ADAMTS19: variants seen among roughly 807,000 people sequenced by gnomAD.
The protein encoded by ADAMTS19 is A disintegrin and metalloproteinase with thrombospondin motifs 19.
In ADAMTS19, 93 loss-of-function variants were observed where a neutral mutation model predicts 153.3. That is an observed-to-expected ratio of 0.61 (90% CI 0.51 to 0.72). The LOEUF is 0.72. Among genes scored for constraint, ADAMTS19 ranks in the 30% least tolerant of loss-of-function variants. The probability of loss-of-function intolerance (pLI) is 0.00; values close to 1 mark genes in which losing one functional copy is unlikely to be tolerated. For synonymous variants in ADAMTS19, 600 were observed against 556.6 expected (o/e 1.08, Z -1.10); for missense variants, 1,482 against 1,552.1 (o/e 0.95, Z 0.76).
intron 2 of ADAMTS19, among the ~76,000 whole-genome samples, chr5:129,486,374 GAAT>G (rs1315249604): frequency 2.0e-5 from 3 of 151,960 alleles, no homozygotes; most frequent in Admixed American, 2.0e-4. Context: ...TAGATAAAAA[GAAT>G]AATACATTAT....
At chr5:129,690,233 T>C (rs1755271889) in intron 18 of ADAMTS19, among the ~76,000 whole-genome samples, 1 of 152,234 alleles carries the variant, frequency 6.6e-6, no homozygotes, top group South Asian at 2.1e-4. Flanking sequence ...TAAAGGAAGA[T>C]ATAGAAAGCC....
chr5:129,687,366 C>A (rs1331365228), intron 18 of ADAMTS19, among the ~76,000 whole-genome samples: 2 of 152,130 alleles, frequency 1.3e-5, no homozygotes, highest in Non-Finnish European at 2.9e-5. Context: ...TTTTTATTCT[C>A]ATTTTTTCCT....
At chr5:129,670,116 A>G (rs1754238579) in intron 16 of ADAMTS19, among the ~76,000 whole-genome samples, 1 of 152,052 alleles carries the variant, frequency 6.6e-6, no homozygotes, top group African/African-American at 2.4e-5. Context: ...ACTCAAAATT[A>G]TTACTTTTTC....
intron 10 of ADAMTS19, among the ~76,000 whole-genome samples, chr5:129,630,015 G>C (rs1752217900): frequency 6.6e-6 from 1 of 152,016 alleles, no homozygotes; most frequent in Non-Finnish European, 1.5e-5. Flanking sequence ...ACTATGAATT[G>C]CATATGTATT....
intron 6 of ADAMTS19, among the ~76,000 whole-genome samples, chr5:129,531,982 G>A (rs1752223841): frequency 1.3e-5 from 2 of 152,104 alleles, no homozygotes; most frequent in Admixed American, 6.5e-5. Flanking sequence ...AAAAAAATGA[G>A]TATCAGTCCT....
chr5:129,461,103 G>C lies in ADAMTS19; in HGVS notation c.93G>C (p.Glu31Asp). Reference protein sequence around the residue: ...LGFLSNGIVSELQFAPDREEW... With the variant: ...LGFLSNGIVSDLQFAPDREEW... ...CACTTCTGTCTGCCCCGCCCGCAGA[G>C]CTGCAGTTCGCCCCCGACCGCGAGG... is the stretch of plus-strand genomic sequence containing the variant. Residue 31 changes from glutamate to aspartate, a missense_variant and splice_region_variant, in exon 2 of 23, where the codon GAG becomes GAC. Physicochemically the swap from Glu to Asp is conservative, Grantham distance 45 (BLOSUM62 2). Around this residue, in one of 2 missense-constraint regions of ADAMTS19, gnomAD observed 866 missense variants for 827.7 expected, o/e 1.05. Transcript: ENST00000274487. The surrounding 1 kb of genome is among the most constrained non-coding windows in gnomAD (Gnocchi z 4.6). 1.4e-6 allele frequency: 2 copies of C among 1,410,042 alleles called. No individual in the cohort carries two copies. Among genetic ancestry groups the C allele is most frequent in the Middle Eastern group, 2.6e-4 (1 of 3,802 alleles). 87.3% of individuals were successfully genotyped at this position (1,410,042 alleles called of 1,614,324 possible). A position where few individuals can be genotyped will look rare whatever the true frequency, so the allele number is the denominator to read the frequency against.
intron 2 of ADAMTS19, among the ~76,000 whole-genome samples, chr5:129,503,036 A>T (rs1751153927): frequency 6.6e-6 from 1 of 152,198 alleles, no homozygotes; most frequent in African/African-American, 2.4e-5. Context: ...CTGGAAAGAG[A>T]AGGCAGTATG....
At position 129,679,976 on chromosome 5, in the gene ADAMTS19, A is replaced by C. The variant is rs1754727659; in HGVS notation, c.2664+55A>C. 8 of 1,482,128 alleles carry C rather than the reference A, an allele frequency of 5.4e-6. No individual in the cohort carries two copies. In the East Asian group the frequency reaches 1.7e-4, roughly 31 times the overall value. The allele number at this position is 1,482,128 out of a possible 1,614,324, so 91.8% of individuals were successfully genotyped here. A position where few individuals can be genotyped will look rare whatever the true frequency, so the allele number is the denominator to read the frequency against. ...TAATCAACTTCTCATGGCAAGGAAT[A>C]TTCCCAGTGCACTTCCTCTAATATT... On this transcript the variant is annotated intron_variant, in intron 17 of 22. Transcript: ENST00000274487.
chr5:129,523,444 C>T (rs1334274337), intron 3 of ADAMTS19, among the ~76,000 whole-genome samples: 1 of 152,130 alleles, frequency 6.6e-6, no homozygotes, highest in African/African-American at 2.4e-5. Flanking sequence ...AGCTTAGAGA[C>T]ATCAACAGAA....
At position 129,727,352 on chromosome 5, in the gene ADAMTS19, C is replaced by A. The variant is rs551876722; in HGVS notation, c.3313-7580C>A. Among the ~76,000 whole-genome samples the A allele has an allele frequency of 3.9e-3, 593 of 152,224 alleles. 4 individuals carry two copies. The highest frequency in any genetic ancestry group is 0.014 in the African/African-American group (569 of 41,528). On this transcript the variant is annotated intron_variant, in intron 21 of 22. Coordinates refer to ENST00000274487, the MANE Select transcript of ADAMTS19 (RefSeq NM_133638.6). ...TCACCCTATCTAAAGATGAATCATG[C>A]ATATGAATTGTCCTTAGAGCAAAAG...
At chr5:129,684,675 A>G (rs1754994158) in intron 18 of ADAMTS19, among the ~76,000 whole-genome samples, 1 of 152,208 alleles carries the variant, frequency 6.6e-6, no homozygotes, top group Admixed American at 6.5e-5. Flanking sequence ...CACAAGAATT[A>G]CAGACCTGAA....
At chr5:129,620,568 G>A in intron 8 of ADAMTS19, 50 bp from the exon 9 acceptor site, 1 of 1,316,670 alleles carries the variant, frequency 7.6e-7, no homozygotes, top group Non-Finnish European at 1.0e-6. Flanking sequence ...AAGTTAACAA[G>A]TAACATTTAC....
In ADAMTS19 at chr5:129,624,841, CTTTT is replaced by C. The variant is rs576816242; in HGVS notation, c.1770+2497_1770+2500del. On this transcript the variant is annotated intron_variant, in intron 10 of 22. Transcript: ENST00000274487. ...TTATGATGTAATTTGACACTTTTTT[CTTTT>C]TTTATTATACTTGAAGTTCTAGGGT... Among the ~76,000 whole-genome samples, 11 of 151,938 alleles carry C rather than the reference CTTTT, an allele frequency of 7.2e-5. No individual in the cohort carries two copies. The South Asian group carries it at 1.0e-3, about 14-fold the overall frequency.
chr5:129,463,798 T>G, intron 2 of ADAMTS19, among the ~76,000 whole-genome samples: 1 of 152,212 alleles, frequency 6.6e-6, no homozygotes, highest in East Asian at 1.9e-4. Flanking sequence ...AAAAATTGAA[T>G]GATGGGATTA....
intron 21 of ADAMTS19, among the ~76,000 whole-genome samples, chr5:129,727,207 G>C (rs964585842): frequency 1.3e-5 from 2 of 152,288 alleles, no homozygotes; most frequent in Non-Finnish European, 2.9e-5. Flanking sequence ...GTTGTCTGTA[G>C]AGAAGGTGAC....
At chr5:129,590,747 T>C (rs1381032009) in intron 7 of ADAMTS19, among the ~76,000 whole-genome samples, 4 of 152,228 alleles carry the variant, frequency 2.6e-5, no homozygotes, top group Non-Finnish European at 5.9e-5. Flanking sequence ...TTGAAAAATA[T>C]GTTCAAAGCC....
chr5:129,658,692 T>G lies in ADAMTS19; in HGVS notation c.2380T>G (p.Ser794Ala). The stretch of plus-strand genomic sequence containing the variant: ...TGGTGTATGCAATGGCAATGGAAAA[T>G]CATGCAAGATCATTAAAGGGGATTT... ...HCGVCNGNGK[S>A]CKIIKGDFNH... Residue 794 changes from serine to alanine, a missense_variant, in exon 15 of 23, where the codon TCA becomes GCA. Physicochemically the swap from Ser to Ala is moderately conservative, Grantham distance 99. Coordinates refer to ENST00000274487, the MANE Select transcript of ADAMTS19 (RefSeq NM_133638.6). 2 of 1,612,946 alleles carry G rather than the reference T, an allele frequency of 1.2e-6. No homozygotes were observed. Among genetic ancestry groups the G allele is most frequent in the Non-Finnish European group, 1.7e-6 (2 of 1,179,388 alleles).
At chr5:129,624,305 G>A (rs1581159149) in intron 10 of ADAMTS19, among the ~76,000 whole-genome samples, 1 of 151,878 alleles carries the variant, frequency 6.6e-6, no homozygotes, top group South Asian at 2.1e-4. Flanking sequence ...GTCTGTCTCC[G>A]GTACCTCTCT....
chr5:129,633,072 A>G (rs1337712757), intron 10 of ADAMTS19, among the ~76,000 whole-genome samples: 1 of 152,014 alleles, frequency 6.6e-6, no homozygotes, highest in Non-Finnish European at 1.5e-5. Flanking sequence ...ATATTTTTCA[A>G]TATTTTCCCT....
Sources: gnomAD v4.1 joint callset for allele counts (sites outside exome capture counted in the v4.1 genomes callset) on GRCh38, gnomAD v4.1.1 for gene constraint, gnomAD v4.1.1 regional missense constraint, Gnocchi (gnomAD v3.1) non-coding constraint, MANE v1.5 for transcripts, NCBI Gene and HGNC (gene_info 2026-07-23, HGNC 2026-07-21) for gene names.